The following UGT1A9 variants were observed in gnomAD, a reference collection of about 807,000 sequenced individuals.
The protein encoded by UGT1A9 is UDP-glucuronosyltransferase 1A9.
A neutral mutation model predicts 45.0 loss-of-function variants in UGT1A9; 35 were observed. The ratio of observed to expected loss-of-function variants is 0.78; its 90% CI spans 0.59 to 1.03. The LOEUF is 1.03. UGT1A9 is among the 50% of genes least tolerant of loss of function. UGT1A9 has a pLI of 0.00. For missense variants in UGT1A9, 687 were observed against 666.6 expected (o/e 1.03, Z -0.34); for synonymous variants, 278 against 250.6 (o/e 1.11, Z -1.03).
At chr2:233,682,480 A>T in intron 1 of UGT1A9, 1 of 1,613,942 alleles carries the variant, frequency 6.2e-7, no homozygotes, top group Non-Finnish European at 8.5e-7. Flanking sequence ...AAGAAGGTGC[A>T]CAGTGCCCTG....
intron 1 of UGT1A9, among the ~76,000 whole-genome samples, chr2:233,739,415 C>A (rs1192478838): frequency 6.6e-6 from 1 of 152,198 alleles, no homozygotes; most frequent in African/African-American, 2.4e-5. Context: ...CCTCTGAAAG[C>A]AGCCAGGACG....
At chr2:233,713,653 C>T in intron 1 of UGT1A9, 2 of 1,613,962 alleles carry the variant, frequency 1.2e-6, no homozygotes, top group Non-Finnish European at 1.7e-6. Context: ...CTGGCCCTGT[C>T]CTACCTTTGC....
At chr2:233,753,320 G>A (rs1197807028) in intron 1 of UGT1A9, 1 of 152,228 alleles carries the variant, frequency 6.6e-6, no homozygotes, top group Non-Finnish European at 1.5e-5. Context: ...CTGTGGGATG[G>A]TGCCAGCTGA....
At chr2:233,699,913 C>T (rs905252126) in intron 1 of UGT1A9, among the ~76,000 whole-genome samples, 5 of 152,174 alleles carry the variant, frequency 3.3e-5, no homozygotes, top group Non-Finnish European at 2.9e-5. Flanking sequence ...GTAGGATATA[C>T]GTAGAGGCCA....
chr2:233,754,953 C>T (rs1487058909), intron 1 of UGT1A9: 2 of 1,319,926 alleles, frequency 1.5e-6, no homozygotes, highest in South Asian at 1.1e-5. Context: ...TGGGTCCCGG[C>T]CGCCAAAGAA....
intron 1 of UGT1A9, among the ~76,000 whole-genome samples, chr2:233,765,612 G>T (rs1698887269): frequency 2.0e-5 from 3 of 151,940 alleles, no homozygotes; most frequent in Admixed American, 6.6e-5. Flanking sequence ...GTGGCGGGGT[G>T]AGGGGTGAGG....
At chr2:233,742,178 A>T (rs1317325763) in intron 1 of UGT1A9, among the ~76,000 whole-genome samples, 1 of 151,940 alleles carries the variant, frequency 6.6e-6, no homozygotes, top group Non-Finnish European at 1.5e-5. Context: ...AGAAATATAG[A>T]GTGTGGAGTG....
Position 233,769,847 on chromosome 2 carries a change from G to C in UGT1A9, c.1295+1408G>C. On this transcript the variant is annotated intron_variant, in intron 4 of 4. Transcript: ENST00000354728. The surrounding 1 kb of genome is among the most constrained non-coding windows in gnomAD (Gnocchi z 4.4). Reference sequence around the variant, plus strand: ...TCCAGCAACCTGGGCAACAGAGTGAGACCCTGTCTCAAAAAAAAAAAAAAA... The same window carrying C: ...TCCAGCAACCTGGGCAACAGAGTGACACCCTGTCTCAAAAAAAAAAAAAAA... 1 of 475,506 alleles carries C rather than the reference G, an allele frequency of 2.1e-6. No homozygotes were observed. The highest frequency in any genetic ancestry group is 3.3e-6 in the Non-Finnish European group (1 of 298,626). The allele number at this position is 475,506 out of a possible 1,614,324, so 29.5% of individuals were successfully genotyped here.
At chr2:233,732,944 A>G (rs2078339479) in intron 1 of UGT1A9, among the ~76,000 whole-genome samples, 2 of 152,256 alleles carry the variant, frequency 1.3e-5, no homozygotes, top group Admixed American at 1.3e-4. Flanking sequence ...ATCCATGAGC[A>G]TGGAATGTTC....
chr2:233,748,114 A>C (rs1473997500), intron 1 of UGT1A9: 1 of 1,611,788 alleles, frequency 6.2e-7, no homozygotes, highest in East Asian at 2.2e-5. Flanking sequence ...TCAATGTTCC[A>C]GGCAAAACAG....
intron 1 of UGT1A9, among the ~76,000 whole-genome samples, chr2:233,704,779 T>C (rs1239416557): frequency 1.3e-5 from 2 of 152,188 alleles, no homozygotes; most frequent in African/African-American, 4.8e-5. Context: ...CCATATGTTA[T>C]AGTCCCAACA....
At chr2:233,696,617 TC>T (rs2125568424) in intron 1 of UGT1A9, among the ~76,000 whole-genome samples, 1 of 152,346 alleles carries the variant, frequency 6.6e-6, no homozygotes, top group African/African-American at 2.4e-5. Context: ...TTTCTTTCTT[TC>T]TTTCTCTTGC....
intron 1 of UGT1A9, chr2:233,690,513 A>G: frequency 1.6e-6 from 2 of 1,289,574 alleles, no homozygotes; most frequent in South Asian, 1.2e-5. Flanking sequence ...GATTTGTTTT[A>G]TCTTAGGATC....
chr2:233,715,086 A>G (rs1197035680), intron 1 of UGT1A9, among the ~76,000 whole-genome samples: 1 of 152,066 alleles, frequency 6.6e-6, no homozygotes, highest in Non-Finnish European at 1.5e-5. Flanking sequence ...GAGTTTCATC[A>G]TATTGGCCAG....
At chr2:233,728,419 C>A (rs1433487219) in intron 1 of UGT1A9, among the ~76,000 whole-genome samples, 1 of 152,142 alleles carries the variant, frequency 6.6e-6, no homozygotes, top group Non-Finnish European at 1.5e-5. Context: ...GATAGCAGCA[C>A]CTCTTCTTCC....
At chr2:233,730,703 G>A (rs1238430007) in intron 1 of UGT1A9, among the ~76,000 whole-genome samples, 8 of 152,058 alleles carry the variant, frequency 5.3e-5, no homozygotes, top group Non-Finnish European at 8.8e-5. Flanking sequence ...TCTTCTACTT[G>A]GAATGCTGAA....
intron 1 of UGT1A9, among the ~76,000 whole-genome samples, chr2:233,739,485 C>T (rs535486258): frequency 1.8e-4 from 27 of 152,374 alleles, no homozygotes; most frequent in African/African-American, 6.3e-4. Context: ...GAGCCCATTT[C>T]TGGCATCACC....
At chr2:233,732,055 A>G (rs2078232493) in intron 1 of UGT1A9, among the ~76,000 whole-genome samples, 1 of 152,104 alleles carries the variant, frequency 6.6e-6, no homozygotes, top group African/African-American at 2.4e-5. Flanking sequence ...GCATTTATTC[A>G]TGTGTCTGTT....
At chr2:233,751,711 C>G (rs1187587643) in intron 1 of UGT1A9, among the ~76,000 whole-genome samples, 1 of 152,190 alleles carries the variant, frequency 6.6e-6, no homozygotes, top group Non-Finnish European at 1.5e-5. Context: ...TCCTCCTTCA[C>G]TCACAAGTGA....
Sources: gnomAD v4.1 joint callset for allele counts (sites outside exome capture counted in the v4.1 genomes callset) on GRCh38, gnomAD v4.1.1 for gene constraint, Gnocchi (gnomAD v3.1) non-coding constraint, MANE v1.5 for transcripts, NCBI Gene and HGNC (gene_info 2026-07-23, HGNC 2026-07-21) for gene names.